The following PDE4D variants were observed in gnomAD, a reference collection of about 807,000 sequenced individuals.
PDE4D encodes the protein 3',5'-cyclic-AMP phosphodiesterase 4D.
PDE4D carries 24 observed loss-of-function variants against 87.4 expected under a neutral mutation model. The observed-to-expected ratio is 0.27, with a 90% CI of 0.20 to 0.39. The LOEUF (loss-of-function observed/expected upper bound fraction) is 0.39. PDE4D is among the 10% of genes least tolerant of loss of function. PDE4D has a pLI of 1.00. For synonymous variants in PDE4D, 384 were observed against 383.2 expected, an observed-to-expected ratio of 1.00 and a Z score of -0.02; for missense variants, 714 against 1,041.0, an observed-to-expected ratio of 0.69 and a Z score of 4.32.
chr5:60,436,676 C>T (rs569945115), intron 1 of PDE4D, among the ~76,000 whole-genome samples: 1 of 152,170 alleles, frequency 6.6e-6, no homozygotes, highest in African/African-American at 2.4e-5. Flanking sequence ...AACCATTATT[C>T]ATACATGTTT....
At chr5:60,434,437 C>CTT (rs33916352) in intron 1 of PDE4D, among the ~76,000 whole-genome samples, 12 of 148,440 alleles carry the variant, frequency 8.1e-5, no homozygotes, top group African/African-American at 3.0e-4. Flanking sequence ...GAACATGTCT[C>CTT]TTTTTTTTTT....
At chr5:59,185,689 G>C (rs1002494474) in intron 3 of PDE4D, among the ~76,000 whole-genome samples, 1 of 152,188 alleles carries the variant, frequency 6.6e-6, no homozygotes, top group African/African-American at 2.4e-5. Flanking sequence ...ATAATAATAA[G>C]TTGGCAAGTG....
At chr5:59,261,290 C>T (rs1345939070) in intron 1 of PDE4D, among the ~76,000 whole-genome samples, 2 of 151,638 alleles carry the variant, frequency 1.3e-5, no homozygotes, top group Non-Finnish European at 2.9e-5. Flanking sequence ...TTGTTAGATC[C>T]CTATTTGATG....
At chr5:59,302,140 C>A (rs1236020596) in intron 1 of PDE4D, among the ~76,000 whole-genome samples, 1 of 152,070 alleles carries the variant, frequency 6.6e-6, no homozygotes, top group Non-Finnish European at 1.5e-5. Context: ...AGCCACCAAA[C>A]GGCACATGCA....
At chr5:59,365,599 A>T (rs1033181996) in intron 1 of PDE4D, among the ~76,000 whole-genome samples, 1 of 152,210 alleles carries the variant, frequency 6.6e-6, no homozygotes, top group Non-Finnish European at 1.5e-5. Context: ...GGGCTCAACC[A>T]GTCAATTCTT....
intron 5 of PDE4D, among the ~76,000 whole-genome samples, chr5:59,050,339 T>C (rs1476979628): frequency 6.6e-6 from 1 of 152,198 alleles, no homozygotes; most frequent in Non-Finnish European, 1.5e-5. Flanking sequence ...TTAAACAGGC[T>C]ATGAACAGAG....
At chr5:60,468,122 C>T (rs1475193384) in intron 1 of PDE4D, among the ~76,000 whole-genome samples, 1 of 132,096 alleles carries the variant, frequency 7.6e-6, no homozygotes, top group Non-Finnish European at 1.6e-5. Context: ...CACATCCTAA[C>T]TTTCTTTCTT....
intron 2 of PDE4D, among the ~76,000 whole-genome samples, chr5:60,084,077 T>C (rs1187225299): frequency 2.0e-5 from 3 of 152,254 alleles, no homozygotes; most frequent in Non-Finnish European, 2.9e-5. Flanking sequence ...TCATGAAGAA[T>C]AATTCATGAA....
chr5:59,184,195 C>T (rs1742355318), intron 4 of PDE4D, among the ~76,000 whole-genome samples: 1 of 152,152 alleles, frequency 6.6e-6, no homozygotes, highest in African/African-American at 2.4e-5. Flanking sequence ...TGCAAAAATT[C>T]ATTACCTGGA....
intron 1 of PDE4D, among the ~76,000 whole-genome samples, chr5:59,655,848 T>C (rs1744262050): frequency 6.6e-6 from 1 of 152,176 alleles, no homozygotes; most frequent in African/African-American, 2.4e-5. Flanking sequence ...CGCTTCCAAA[T>C]ATTAAATAGA....
intron 1 of PDE4D, among the ~76,000 whole-genome samples, chr5:59,326,742 A>C (rs906616280): frequency 6.6e-6 from 1 of 152,152 alleles, no homozygotes; most frequent in African/African-American, 2.4e-5. Context: ...GAAAAAAAGC[A>C]TATTATTTCG....
intron 2 of PDE4D, among the ~76,000 whole-genome samples, chr5:60,163,926 T>C (rs958417639): frequency 6.6e-6 from 1 of 152,204 alleles, no homozygotes; most frequent in African/African-American, 2.4e-5. Context: ...ACAAATGAGA[T>C]GATGATATTG....
chr5:59,156,320 A>AAAAAAAATATATATAT lies in PDE4D; in HGVS notation c.808+24274_808+24275insATATATATATTTTTTT, dbSNP rs548335725. 4.5e-4 allele frequency among the ~76,000 whole-genome samples: 37 copies of AAAAAAAATATATATAT among 81,772 alleles called. 1 individual carries two copies. The highest frequency in any genetic ancestry group is 1.8e-3 in the African/African-American group (35 of 19,648). The allele number at this position is 81,772 out of a possible 152,430, so 53.6% of individuals were successfully genotyped here. On this transcript the variant is annotated intron_variant, in intron 5 of 14. Transcript: ENST00000340635. The stretch of plus-strand genomic sequence containing the variant: ...CTAGAGACTTGCCAGAAAAAAAAAA[A>AAAAAAAATATATATAT]ATATATATATATGTGTGTGTGTGTG...
intron 1 of PDE4D, among the ~76,000 whole-genome samples, chr5:59,408,501 C>T (rs1457118284): frequency 6.6e-6 from 1 of 152,170 alleles, no homozygotes; most frequent in African/African-American, 2.4e-5. Flanking sequence ...TGAAGCCCTG[C>T]CCACAAAGAA....
intron 1 of PDE4D, among the ~76,000 whole-genome samples, chr5:59,504,214 T>C (rs989356768): frequency 1.3e-5 from 2 of 152,202 alleles, no homozygotes; most frequent in African/African-American, 4.8e-5. Context: ...TAACACTGAT[T>C]TGTCATCCTG....
intron 1 of PDE4D, among the ~76,000 whole-genome samples, chr5:59,312,354 G>A (rs1772855655): frequency 6.6e-6 from 1 of 152,186 alleles, no homozygotes; most frequent in Admixed American, 6.5e-5. Context: ...CTGTCGAAAT[G>A]ACTTACACCT....
intron 1 of PDE4D, among the ~76,000 whole-genome samples, chr5:59,858,022 GAGGGAGT>G (rs1212566259): frequency 1.3e-5 from 2 of 151,840 alleles, no homozygotes; most frequent in African/African-American, 4.8e-5. Context: ...GCGAGGGAGG[GAGGGAGT>G]AGGGAGGCAT....
chr5:59,489,883 C>T (rs1404087237), intron 1 of PDE4D, among the ~76,000 whole-genome samples: 3 of 151,968 alleles, frequency 2.0e-5, no homozygotes, highest in South Asian at 2.1e-4. Flanking sequence ...TTCTCCATGC[C>T]GTTGTTTTCT....
chr5:59,792,420 G>GTGTGTGTGTA (rs1348846230), intron 1 of PDE4D, among the ~76,000 whole-genome samples: 3 of 151,580 alleles, frequency 2.0e-5, no homozygotes, highest in Admixed American at 1.3e-4. Flanking sequence ...GTGTGTGTGT[G>GTGTGTGTGTA]TGTGTGTGTG....
Sources: gnomAD v4.1 joint callset for allele counts (sites outside exome capture counted in the v4.1 genomes callset) on GRCh38, gnomAD v4.1.1 for gene constraint, MANE v1.5 for transcripts, NCBI Gene and HGNC (gene_info 2026-07-23, HGNC 2026-07-21) for gene names.